CREB5: variants seen among roughly 807,000 people sequenced by gnomAD.
CREB5 encodes the protein cAMP responsive element binding protein 5, also known as cyclic AMP-responsive element-binding protein 5.
Under a neutral mutation model 57.1 loss-of-function variants are expected in CREB5, and 19 were observed. That is an observed-to-expected ratio of 0.33 (90% CI 0.23 to 0.49). CREB5 has a LOEUF of 0.49. Ranked by LOEUF, CREB5 falls within the 20% of genes least tolerant of loss-of-function variation. CREB5 has a pLI of 0.99. For synonymous variants in CREB5, 238 were observed against 238.3 expected (o/e 1.00, Z 0.01); for missense variants, 579 against 671.6 (o/e 0.86, Z 1.52).
In CREB5 at chr7:28,739,867, G is replaced by A. The variant is rs560681587; in HGVS notation, c.702+15535G>A. ...AGAGTTCTTACAGCTTTAGGGTCCA[G>A]CAAGCAACTGGGAAGCTGAGGCTCT... is the stretch of plus-strand genomic sequence containing the variant. On this transcript the variant is annotated intron_variant, in intron 7 of 10. Coordinates refer to ENST00000357727, the MANE Select transcript of CREB5 (RefSeq NM_182898.4). Among the ~76,000 whole-genome samples the A allele has an allele frequency of 2.0e-5, 3 of 152,316 alleles. No individual in the cohort carries two copies. The East Asian group carries it at 5.8e-4, about 29-fold the overall frequency.
At chr7:28,471,840 A>G (rs1320268829) in intron 1 of CREB5, among the ~76,000 whole-genome samples, 1 of 152,190 alleles carries the variant, frequency 6.6e-6, no homozygotes, top group East Asian at 1.9e-4. Context: ...AAAAATATAA[A>G]ATATAGATAC....
chr7:28,326,481 T>C (rs17156585), intron 1 of CREB5, among the ~76,000 whole-genome samples: 32,324 of 152,148 alleles, frequency 0.21, 3,550 homozygotes, highest in Non-Finnish European at 0.24. Context: ...GCCCCACTGC[T>C]GTTTGATATT....
At chr7:28,734,317 A>C (rs998747843) in intron 7 of CREB5, among the ~76,000 whole-genome samples, 3 of 152,028 alleles carry the variant, frequency 2.0e-5, no homozygotes, top group Non-Finnish European at 4.4e-5. Flanking sequence ...CCTTCAATAC[A>C]TAGAGGCAAA....
chr7:28,650,062 T>G (rs951555410), intron 5 of CREB5, among the ~76,000 whole-genome samples: 1 of 152,216 alleles, frequency 6.6e-6, no homozygotes, highest in African/African-American at 2.4e-5. Flanking sequence ...ATCTGCCATT[T>G]ACATCTGTTG....
chr7:28,464,129 A>G lies in CREB5; in HGVS notation c.4-24046A>G, dbSNP rs992288630. ...TTATTCTATTGAGTCTGATTATTAT[A>G]TTGATTGGTTTTCAGATACTAAGCC... On this transcript the variant is annotated intron_variant, in intron 1 of 10. Transcript: ENST00000357727. 2.0e-5 allele frequency among the ~76,000 whole-genome samples: 3 copies of G among 152,100 alleles called. 1 individual carries two copies. Among genetic ancestry groups the G allele is most frequent in the African/African-American group, 7.2e-5 (3 of 41,422 alleles).
Position 28,424,781 on chromosome 7 carries a change from A to G in CREB5, c.3+11864A>G, listed in dbSNP as rs549449662. 1.6e-4 allele frequency among the ~76,000 whole-genome samples: 24 copies of G among 152,352 alleles called. 1 individual carries two copies. The South Asian group carries it at 5.0e-3, about 32-fold the overall frequency. ...ACAAGGACAAAAATCACCCATTCCC[A>G]TAAACACACACACACTAAGCTAAGT... is the stretch of plus-strand genomic sequence containing the variant. On this transcript the variant is annotated intron_variant, in intron 1 of 10. Coordinates refer to ENST00000357727, the MANE Select transcript of CREB5 (RefSeq NM_182898.4).
Position 28,804,143 on chromosome 7 carries a change from A to G in CREB5, c.703-56A>G, listed in dbSNP as rs1382786988. 5 of 1,531,158 alleles carry G rather than the reference A, an allele frequency of 3.3e-6. No homozygotes were observed. In the African/African-American group the frequency reaches 5.5e-5, roughly 17 times the overall value. 94.8% of individuals were successfully genotyped at this position (1,531,158 alleles called of 1,614,324 possible). A position where few individuals can be genotyped will look rare whatever the true frequency, so the allele number is the denominator to read the frequency against. ...TGAGTCATTTTGCTTTTAAATCTCT[A>G]TCATGTACATGACTGACTTCAGTTG... On this transcript the variant is annotated intron_variant, in intron 7 of 10. Coordinates refer to ENST00000357727, the MANE Select transcript of CREB5 (RefSeq NM_182898.4).
chr7:28,540,366 C>G (rs1794157755), intron 4 of CREB5, among the ~76,000 whole-genome samples: 1 of 152,124 alleles, frequency 6.6e-6, no homozygotes, highest in Non-Finnish European at 1.5e-5. Context: ...ATTAGATTGG[C>G]TCCTAAGAAC....
chr7:28,810,640 G>A (rs1207482947), intron 9 of CREB5, among the ~76,000 whole-genome samples: 1 of 152,182 alleles, frequency 6.6e-6, no homozygotes, highest in African/African-American at 2.4e-5. Context: ...AGGCTGTAGT[G>A]AGCCAAGATC....
intron 5 of CREB5, among the ~76,000 whole-genome samples, chr7:28,596,127 A>G (rs1796684602): frequency 6.6e-6 from 1 of 152,152 alleles, no homozygotes; most frequent in Non-Finnish European, 1.5e-5. Context: ...CAGTGATGAT[A>G]TGGTGCAATT....
At chr7:28,766,183 T>G (rs534668467) in intron 7 of CREB5, among the ~76,000 whole-genome samples, 15 of 152,186 alleles carry the variant, frequency 9.9e-5, no homozygotes, top group Non-Finnish European at 2.2e-4. Context: ...GCCACTATGC[T>G]TATTTTCTTT....
At chr7:28,657,581 T>C (rs938943599) in intron 5 of CREB5, among the ~76,000 whole-genome samples, 1 of 151,904 alleles carries the variant, frequency 6.6e-6, no homozygotes, top group African/African-American at 2.4e-5. Context: ...ATACAAAAAT[T>C]AGCCAGGTGC....
In CREB5 at chr7:28,682,788, AC is replaced by A. The variant is rs374913950; in HGVS notation, c.465-35964del. ...TGAGCTCAGAAATTCACCCAGGCAC[AC>A]AAAAGGTCTACTCTAGTTGGCTGTT... On this transcript the variant is annotated intron_variant, in intron 5 of 10. Transcript: ENST00000357727. Among the ~76,000 whole-genome samples, 217 of 152,224 alleles carry A rather than the reference AC, an allele frequency of 1.4e-3. 1 individual carries two copies. The highest frequency in any genetic ancestry group is 5.0e-3 in the African/African-American group (208 of 41,540).
At chr7:28,550,055 A>G (rs1794565465) in intron 4 of CREB5, among the ~76,000 whole-genome samples, 1 of 152,076 alleles carries the variant, frequency 6.6e-6, no homozygotes, top group East Asian at 1.9e-4. Flanking sequence ...TCCATACTTT[A>G]TGGCACTCTT....
intron 1 of CREB5, among the ~76,000 whole-genome samples, chr7:28,454,100 C>T (rs1362724759): frequency 2.6e-5 from 4 of 151,866 alleles, no homozygotes; most frequent in African/African-American, 9.7e-5. Flanking sequence ...ACTACAGGCA[C>T]TCGCCACCAC....
intron 4 of CREB5, among the ~76,000 whole-genome samples, chr7:28,542,190 G>A (rs1337221653): frequency 6.6e-6 from 1 of 152,108 alleles, no homozygotes; most frequent in African/African-American, 2.4e-5. Flanking sequence ...TATTATTTCT[G>A]TTTTATGGGC....
chr7:28,525,025 T>C (rs1793387406), intron 4 of CREB5, among the ~76,000 whole-genome samples: 1 of 137,764 alleles, frequency 7.3e-6, no homozygotes, highest in African/African-American at 2.7e-5. Context: ...CATTCTACTC[T>C]CTACCTTCAT....
At chr7:28,689,169 G>T (rs1365132908) in intron 5 of CREB5, among the ~76,000 whole-genome samples, 1 of 152,086 alleles carries the variant, frequency 6.6e-6, no homozygotes, top group South Asian at 2.1e-4. Flanking sequence ...ACATTTACAT[G>T]CATTCATAAG....
chr7:28,518,271 T>G (rs922565328), intron 4 of CREB5, among the ~76,000 whole-genome samples: 6 of 152,098 alleles, frequency 3.9e-5, no homozygotes, highest in Non-Finnish European at 7.3e-5. Flanking sequence ...GGGCTTTATG[T>G]TTGGGTGGGG....
Sources: allele counts gnomAD v4.1 joint callset (sites outside exome capture counted in the v4.1 genomes callset), GRCh38; gene constraint gnomAD v4.1.1; transcripts MANE v1.5; gene names NCBI Gene and HGNC (gene_info 2026-07-23, HGNC 2026-07-21).